Variants in EXOC6B observed in about 807,000 individuals in gnomAD.
EXOC6B encodes exocyst complex component 6B, also known as SEC15 homolog B.
A neutral mutation model predicts 113.5 loss-of-function variants in EXOC6B; 54 were observed. The ratio of observed to expected loss-of-function variants is 0.48; its 90% CI spans 0.38 to 0.60. The LOEUF (loss-of-function observed/expected upper bound fraction) is 0.60. Ranked by LOEUF, EXOC6B falls within the 20% of genes least tolerant of loss-of-function variation. EXOC6B has a pLI of 0.00. For missense variants in EXOC6B, 797 were observed against 977.5 expected (o/e 0.82, Z 2.46); for synonymous variants, 357 against 339.0 (o/e 1.05, Z -0.58).
intron 6 of EXOC6B, among the ~76,000 whole-genome samples, chr2:72,698,542 A>T (rs76361550): frequency 0.037 from 5,661 of 152,316 alleles, 331 homozygotes; most frequent in African/African-American, 0.13. Context: ...TCAAAATTAG[A>T]ACATTTTTCA....
At chr2:72,423,263 G>A (rs6546772) in intron 18 of EXOC6B, among the ~76,000 whole-genome samples, 29,079 of 151,116 alleles carry the variant, frequency 0.19, 5,010 homozygotes, top group African/African-American at 0.47. Context: ...AAGAAACTCC[G>A]AACACATCTG....
At chr2:72,658,927 A>C (rs1674806443) in intron 6 of EXOC6B, among the ~76,000 whole-genome samples, 1 of 152,088 alleles carries the variant, frequency 6.6e-6, no homozygotes, top group Non-Finnish European at 1.5e-5. Flanking sequence ...CAGAAAATTC[A>C]GAGTAAAGCA....
At chr2:72,216,905 CA>C (rs1033676581) in intron 20 of EXOC6B, among the ~76,000 whole-genome samples, 36 of 151,692 alleles carry the variant, frequency 2.4e-4, no homozygotes, top group African/African-American at 8.0e-4. Flanking sequence ...CTGTTGGGGC[CA>C]GGGGCGCAAG....
At chr2:72,287,291 C>T (rs1276336472) in intron 20 of EXOC6B, among the ~76,000 whole-genome samples, 2 of 151,342 alleles carry the variant, frequency 1.3e-5, no homozygotes, top group Non-Finnish European at 2.9e-5. Flanking sequence ...ATTAGCCGGG[C>T]GTGGTGTCAG....
chr2:72,687,820 G>A (rs969049611), intron 6 of EXOC6B, among the ~76,000 whole-genome samples: 2 of 152,094 alleles, frequency 1.3e-5, no homozygotes, highest in Admixed American at 6.5e-5. Context: ...AGCATCTCCT[G>A]ACTGGCACAG....
intron 8 of EXOC6B, among the ~76,000 whole-genome samples, chr2:72,520,115 CTT>C (rs1452767166): frequency 6.6e-6 from 1 of 152,192 alleles, no homozygotes; most frequent in Non-Finnish European, 1.5e-5. Flanking sequence ...TCTGTCTCCT[CTT>C]GTTAGGATGC....
intron 12 of EXOC6B, among the ~76,000 whole-genome samples, chr2:72,499,589 G>A (rs957955946): frequency 4.0e-5 from 6 of 150,148 alleles, no homozygotes; most frequent in African/African-American, 1.2e-4. Flanking sequence ...GTGCAGTGGC[G>A]AGATCATAGC....
intron 6 of EXOC6B, among the ~76,000 whole-genome samples, chr2:72,616,511 G>A (rs1671395007): frequency 6.6e-6 from 1 of 152,102 alleles, no homozygotes; most frequent in Non-Finnish European, 1.5e-5. Flanking sequence ...CCATGGCTGG[G>A]GAGGCTTCAC....
chr2:72,650,875 G>T (rs1022060330), intron 6 of EXOC6B, among the ~76,000 whole-genome samples: 2 of 148,078 alleles, frequency 1.4e-5, no homozygotes, highest in African/African-American at 5.0e-5. Flanking sequence ...TGCTTTGGCA[G>T]TTTCTAAAAA....
intron 1 of EXOC6B, among the ~76,000 whole-genome samples, chr2:72,743,222 T>C (rs567442865): frequency 2.0e-5 from 3 of 152,280 alleles, no homozygotes; most frequent in Non-Finnish European, 2.9e-5. Flanking sequence ...AATGGACCAA[T>C]GCAACAGCCT....
intron 5 of EXOC6B, among the ~76,000 whole-genome samples, chr2:72,720,682 G>T (rs1042692207): frequency 6.6e-6 from 1 of 152,020 alleles, no homozygotes; most frequent in African/African-American, 2.4e-5. Context: ...AAACCCGGGT[G>T]GGCAGAGGTT....
At chr2:72,714,077 G>A (rs1469889215) in intron 6 of EXOC6B, among the ~76,000 whole-genome samples, 1 of 152,172 alleles carries the variant, frequency 6.6e-6, no homozygotes, top group Non-Finnish European at 1.5e-5. Flanking sequence ...AAGAGTCCTA[G>A]ATCTCTTGAG....
intron 1 of EXOC6B, among the ~76,000 whole-genome samples, chr2:72,810,378 AATAAATAAAAT>A (rs1685832419): frequency 6.8e-6 from 1 of 146,260 alleles, no homozygotes; most frequent in Non-Finnish European, 1.5e-5. Flanking sequence ...TAAATAAATA[AATAAATAAAAT>A]ACAGTGAAGT....
chr2:72,718,839 C>G (rs911017650), intron 5 of EXOC6B, among the ~76,000 whole-genome samples: 6 of 151,812 alleles, frequency 4.0e-5, no homozygotes, highest in Non-Finnish European at 5.9e-5. Context: ...AAGTGAGACT[C>G]AATCTTAAAA....
At chr2:72,266,979 T>G (rs1007143430) in intron 20 of EXOC6B, among the ~76,000 whole-genome samples, 17 of 152,138 alleles carry the variant, frequency 1.1e-4, no homozygotes, top group African/African-American at 1.7e-4. Context: ...CACGTCCCTT[T>G]TAAGTTGGAT....
At chr2:72,397,700 G>C (rs970161800) in intron 18 of EXOC6B, among the ~76,000 whole-genome samples, 2 of 147,988 alleles carry the variant, frequency 1.4e-5, no homozygotes, top group Non-Finnish European at 3.0e-5. Flanking sequence ...CATTGAACTT[G>C]GTTATCTGAT....
chr2:72,804,242 G>A (rs112637102), intron 1 of EXOC6B, among the ~76,000 whole-genome samples: 6 of 152,236 alleles, frequency 3.9e-5, no homozygotes, highest in African/African-American at 1.4e-4. Context: ...CTCTTCATAT[G>A]CTTCTGAGTG....
chr2:72,502,119 A>G (rs1362862840), intron 11 of EXOC6B, among the ~76,000 whole-genome samples: 1 of 152,226 alleles, frequency 6.6e-6, no homozygotes, highest in East Asian at 1.9e-4. Flanking sequence ...AGCATTAATT[A>G]CAAATAATAA....
intron 7 of EXOC6B, among the ~76,000 whole-genome samples, chr2:72,563,462 T>C (rs1010066427): frequency 5.3e-5 from 8 of 152,128 alleles, no homozygotes; most frequent in Non-Finnish European, 1.2e-4. Flanking sequence ...TGTTGTTAAA[T>C]AGCATTTATA....
Sources: allele counts gnomAD v4.1 joint callset (sites outside exome capture counted in the v4.1 genomes callset), GRCh38; gene constraint gnomAD v4.1.1; transcripts MANE v1.5; gene names NCBI Gene and HGNC (gene_info 2026-07-23, HGNC 2026-07-21).